Variants in RBFOX1 observed in about 807,000 individuals in gnomAD.
The protein encoded by RBFOX1 is RNA binding protein fox-1 homolog 1.
Under a neutral mutation model 57.7 loss-of-function variants are expected in RBFOX1, and 8 were observed. That is an observed-to-expected ratio of 0.14 (90% CI 0.08 to 0.25). RBFOX1 has a LOEUF of 0.25. Among genes scored for constraint, RBFOX1 ranks in the 10% least tolerant of loss-of-function variants. RBFOX1 has a pLI of 1.00. For missense variants in RBFOX1, 611 were observed against 548.5 expected (o/e 1.11, Z -1.14); for synonymous variants, 326 against 222.4 (o/e 1.47, Z -4.15).
At chr16:5,802,339 G>A (rs548004563) in intron 3 of RBFOX1, among the ~76,000 whole-genome samples, 1 of 152,110 alleles carries the variant, frequency 6.6e-6, no homozygotes, top group Non-Finnish European at 1.5e-5. Flanking sequence ...TTTGCCTCCT[G>A]TGACCTGGAA....
intron 3 of RBFOX1, among the ~76,000 whole-genome samples, chr16:6,716,134 T>C (rs2064771948): frequency 6.6e-6 from 1 of 152,162 alleles, no homozygotes; most frequent in African/African-American, 2.4e-5. Context: ...TACAGAAAAA[T>C]AGAGGGAACT....
intron 3 of RBFOX1, among the ~76,000 whole-genome samples, chr16:6,991,128 T>C (rs2091358218): frequency 8.4e-6 from 1 of 119,218 alleles, no homozygotes; most frequent in African/African-American, 3.4e-5. Flanking sequence ...GTAATAAAAT[T>C]GTCTCTCCAA....
At chr16:7,034,841 C>CTTTTTTTTTTTTTT (rs1255430430) in intron 3 of RBFOX1, among the ~76,000 whole-genome samples, 420 of 38,908 alleles carry the variant, frequency 0.011, 51 homozygotes, top group African/African-American at 0.013. Context: ...TTTTTTTTTT[C>CTTTTTTTTTTTTTT]TTTTTTCTTT....
At chr16:5,749,370 C>A (rs534258061) in intron 3 of RBFOX1, among the ~76,000 whole-genome samples, 1 of 152,098 alleles carries the variant, frequency 6.6e-6, no homozygotes, top group Admixed American at 6.6e-5. Context: ...CGAGGAGTAT[C>A]TTTGTGGCAT....
At chr16:6,168,618 A>C (rs955660966) in intron 1 of RBFOX1, among the ~76,000 whole-genome samples, 1 of 152,160 alleles carries the variant, frequency 6.6e-6, no homozygotes, top group Non-Finnish European at 1.5e-5. Context: ...TGGAAGTAAG[A>C]TCGCTGCTAA....
intron 2 of RBFOX1, among the ~76,000 whole-genome samples, chr16:6,357,538 G>A (rs73530355): frequency 2.0e-5 from 3 of 151,882 alleles, no homozygotes; most frequent in Admixed American, 2.0e-4. Flanking sequence ...GGTGGAGGTC[G>A]TCTGCACAAG....
chr16:6,982,101 C>A lies in RBFOX1; in HGVS notation c.-15-69956C>A, dbSNP rs114989255. On this transcript the variant is annotated intron_variant, in intron 3 of 15. Coordinates refer to ENST00000550418, the MANE Select transcript of RBFOX1 (RefSeq NM_018723.4). Reference sequence around the variant, plus strand: ...TTGGTTTATATAACAAGAATGTGGCCCCCGCACCAATGACTAAACCAAATT... The same window carrying A: ...TTGGTTTATATAACAAGAATGTGGCACCCGCACCAATGACTAAACCAAATT... Among the ~76,000 whole-genome samples, 1,246 of 151,998 alleles carry A rather than the reference C, an allele frequency of 8.2e-3. 17 individuals are homozygous for A. Among genetic ancestry groups the A allele is most frequent in the African/African-American group, 0.028 (1,160 of 41,444 alleles).
chr16:6,992,707 G>C (rs535143569), intron 3 of RBFOX1, among the ~76,000 whole-genome samples: 1 of 152,028 alleles, frequency 6.6e-6, no homozygotes. Context: ...ACCAGCTAAT[G>C]ATTTTAGAGA....
chr16:7,347,892 T>C (rs1381542620), intron 4 of RBFOX1, among the ~76,000 whole-genome samples: 1 of 152,130 alleles, frequency 6.6e-6, no homozygotes, highest in East Asian at 1.9e-4. Flanking sequence ...GCAGGGTGTA[T>C]TGATAGCCTT....
intron 15 of RBFOX1, chr16:7,710,030 G>C (rs973086254): frequency 2.0e-6 from 2 of 1,006,684 alleles, no homozygotes; most frequent in Non-Finnish European, 2.4e-6. Flanking sequence ...TAAAACCATG[G>C]CCGGACAGTT....
intron 3 of RBFOX1, among the ~76,000 whole-genome samples, chr16:5,811,084 A>G (rs562081445): frequency 5.3e-5 from 8 of 151,672 alleles, no homozygotes; most frequent in African/African-American, 1.9e-4. Flanking sequence ...CTGCTTTCTA[A>G]ATCCGTACAT....
intron 3 of RBFOX1, among the ~76,000 whole-genome samples, chr16:6,740,367 C>G (rs1320431674): frequency 6.6e-6 from 1 of 152,004 alleles, no homozygotes; most frequent in Non-Finnish European, 1.5e-5. Flanking sequence ...CACTGCTATT[C>G]AACATAGTAG....
intron 2 of RBFOX1, among the ~76,000 whole-genome samples, chr16:6,491,265 G>C (rs1172039919): frequency 6.6e-6 from 1 of 151,636 alleles, no homozygotes; most frequent in Non-Finnish European, 1.5e-5. Context: ...TGGGAAGTTG[G>C]ATTTAAAATA....
intron 3 of RBFOX1, among the ~76,000 whole-genome samples, chr16:6,696,421 A>T (rs1007814429): frequency 9.2e-5 from 14 of 152,202 alleles, no homozygotes; most frequent in Non-Finnish European, 1.8e-4. Context: ...CCTAGTGAAA[A>T]ATGCTTTTTC....
chr16:5,410,408 C>T (rs998266812), intron 1 of RBFOX1, among the ~76,000 whole-genome samples: 2 of 152,060 alleles, frequency 1.3e-5, no homozygotes, highest in African/African-American at 4.8e-5. Flanking sequence ...TTGTGCATGT[C>T]TCTTGTTGAC....
At chr16:5,989,841 CT>C (rs1355750528) in intron 4 of RBFOX1, among the ~76,000 whole-genome samples, 4 of 139,658 alleles carry the variant, frequency 2.9e-5, no homozygotes, top group African/African-American at 1.1e-4. Context: ...GTAACACCCC[CT>C]AACACACACA....
chr16:7,672,211 G>C (rs1237892107), intron 13 of RBFOX1, among the ~76,000 whole-genome samples: 1 of 152,128 alleles, frequency 6.6e-6, no homozygotes, highest in African/African-American at 2.4e-5. Flanking sequence ...GAACAAATTT[G>C]TAGGAAGAAA....
intron 2 of RBFOX1, among the ~76,000 whole-genome samples, chr16:6,349,811 A>G (rs535798027): frequency 2.0e-5 from 3 of 152,262 alleles, no homozygotes; most frequent in African/African-American, 4.8e-5. Context: ...CCAATACTTT[A>G]TAGGAAAAAT....
chr16:5,248,463 C>G (rs1379482169), intron 1 of RBFOX1, among the ~76,000 whole-genome samples: 1 of 152,188 alleles, frequency 6.6e-6, no homozygotes, highest in African/African-American at 2.4e-5. Context: ...CCCTTCTATT[C>G]GGCCGCAGCT....
Sources: gnomAD v4.1 joint callset for allele counts (sites outside exome capture counted in the v4.1 genomes callset) on GRCh38, gnomAD v4.1.1 for gene constraint, MANE v1.5 for transcripts, NCBI Gene and HGNC (gene_info 2026-07-23, HGNC 2026-07-21) for gene names.